Variants in KCNIP2 observed in about 807,000 individuals in gnomAD.
The protein encoded by KCNIP2 is A-type potassium channel modulatory protein KCNIP2.
In KCNIP2, 19 loss-of-function variants were observed where a neutral mutation model predicts 39.0. The ratio of observed to expected loss-of-function variants is 0.49; its 90% CI spans 0.34 to 0.71. KCNIP2 has a LOEUF of 0.71. Ranked by LOEUF, KCNIP2 falls within the 30% of genes least tolerant of loss-of-function variation. KCNIP2 has a pLI of 0.01. For synonymous variants in KCNIP2, 111 were observed against 131.2 expected, an observed-to-expected ratio of 0.85 and a Z score of 1.05; for missense variants, 261 against 346.0, an observed-to-expected ratio of 0.75 and a Z score of 1.95.
intron 1 of KCNIP2, among the ~76,000 whole-genome samples, chr10:101,837,606 C>T (rs1161594252): frequency 1.3e-5 from 2 of 152,080 alleles, no homozygotes; most frequent in African/African-American, 4.8e-5. Flanking sequence ...GCGGAGGTTG[C>T]AGTGAACTGA....
chr10:101,840,062 G>C (rs549917112), intron 1 of KCNIP2, among the ~76,000 whole-genome samples: 6 of 151,844 alleles, frequency 4.0e-5, no homozygotes, highest in African/African-American at 1.2e-4. Context: ...CTGGACGGGG[G>C]GGGGGGGTGG....
At chr10:101,837,530 G>A (rs577153405) in intron 1 of KCNIP2, among the ~76,000 whole-genome samples, 10 of 152,218 alleles carry the variant, frequency 6.6e-5, no homozygotes, top group Admixed American at 1.3e-4. Context: ...TTAGCCAGGC[G>A]TGATGGTGCT....
chr10:101,828,854 C>T lies in KCNIP2; in HGVS notation c.349-158G>A. On this transcript the variant is annotated intron_variant, in intron 4 of 9. Coordinates refer to ENST00000356640, the MANE Select transcript of KCNIP2 (RefSeq NM_173191.3). This position sits in a 1 kb window ranked among gnomAD's most constrained non-coding sequence, Gnocchi z 6.6. ...ATGTGATGGGAGGGAAGACTTCTTT[C>T]CCAGTGCACAAATAAAAAACATGGA... The T allele has an allele frequency of 6.4e-7, 1 of 1,557,628 alleles. No individual in the cohort carries two copies. The highest frequency in any genetic ancestry group is 8.7e-7 in the Non-Finnish European group (1 of 1,150,806).
chr10:101,841,066 T>C (rs1296084841), intron 1 of KCNIP2, among the ~76,000 whole-genome samples: 1 of 152,228 alleles, frequency 6.6e-6, no homozygotes, highest in Non-Finnish European at 1.5e-5. Context: ...CCTGAGGGAT[T>C]AGACAGGGGT....
intron 1 of KCNIP2, among the ~76,000 whole-genome samples, chr10:101,836,344 C>T (rs1191446098): frequency 1.4e-5 from 2 of 144,342 alleles, no homozygotes; most frequent in Admixed American, 1.4e-4. Context: ...GTGGCGCTAG[C>T]GATTCTCGTG....
chr10:101,830,202 A>G (rs2065917793), intron 2 of KCNIP2, among the ~76,000 whole-genome samples: 1 of 152,210 alleles, frequency 6.6e-6, no homozygotes, highest in Admixed American at 6.5e-5. Flanking sequence ...GCAAGGCCCA[A>G]CTGAGGAAAT....
intron 1 of KCNIP2, among the ~76,000 whole-genome samples, chr10:101,837,916 A>G (rs922329230): frequency 2.0e-5 from 3 of 152,194 alleles, no homozygotes; most frequent in Non-Finnish European, 4.4e-5. Context: ...TGCTACTGAT[A>G]ACTTGCAGCC....
chr10:101,831,636 AT>A (rs1224611329), intron 1 of KCNIP2, among the ~76,000 whole-genome samples: 2 of 152,048 alleles, frequency 1.3e-5, no homozygotes, highest in Non-Finnish European at 2.9e-5. Flanking sequence ...TGATGGCGTA[AT>A]ATGCATGCTC....
chr10:101,833,214 A>G (rs950048429), intron 1 of KCNIP2, among the ~76,000 whole-genome samples: 1 of 151,810 alleles, frequency 6.6e-6, no homozygotes, highest in Non-Finnish European at 1.5e-5. Flanking sequence ...GGAGTTACAC[A>G]GTTCTAGCCG....
At chr10:101,829,920 G>T in intron 2 of KCNIP2, 23 bp from the exon 3 acceptor site, 1 of 1,542,458 alleles carries the variant, frequency 6.5e-7, no homozygotes, top group East Asian at 2.5e-5. Context: ...AACTGTCACC[G>T]AGAAAGCGGA....
chr10:101,841,269 AAATCC>A (rs2066330024), intron 1 of KCNIP2, among the ~76,000 whole-genome samples: 2 of 152,156 alleles, frequency 1.3e-5, no homozygotes, highest in East Asian at 3.9e-4. Context: ...AGACTACCCT[AAATCC>A]GATCCCAGGA....
chr10:101,831,613 AG>A (rs2065994389), intron 1 of KCNIP2, among the ~76,000 whole-genome samples: 1 of 152,146 alleles, frequency 6.6e-6, no homozygotes, highest in Admixed American at 6.5e-5. Flanking sequence ...CTTGATATCC[AG>A]TAACTCACAC....
Position 101,843,376 on chromosome 10 carries a change from T to G in KCNIP2, c.73+120A>C. The stretch of plus-strand genomic sequence containing the variant: ...AGTGTCCTGCCGCCCAGACCGGCCA[T>G]AAGAGTGCCTGGGAATGGGGCAGAG... On this transcript the variant is annotated intron_variant, in intron 1 of 9. Transcript: ENST00000356640. The surrounding 1 kb of genome is among the most constrained non-coding windows in gnomAD (Gnocchi z 6.7). The G allele has an allele frequency of 1.2e-5, 7 of 564,700 alleles. No homozygotes were observed. The highest frequency in any genetic ancestry group is 1.9e-5 in the African/African-American group (1 of 51,460). 35.0% of individuals were successfully genotyped at this position (564,700 alleles called of 1,614,324 possible).
chr10:101,835,031 A>T (rs1036847919), intron 1 of KCNIP2, among the ~76,000 whole-genome samples: 33 of 152,100 alleles, frequency 2.2e-4, no homozygotes, highest in African/African-American at 8.0e-4. Flanking sequence ...TATGGTCTGC[A>T]TGTGTAGGAG....
chr10:101,834,200 T>C (rs920274179), intron 1 of KCNIP2: 1 of 398,162 alleles, frequency 2.5e-6, no homozygotes, highest in Non-Finnish European at 4.4e-6. Flanking sequence ...ACAAACACCC[T>C]CCCTAGTGCT....
At position 101,831,041 on chromosome 10, in the gene KCNIP2, CCG is replaced by C. The variant is rs780705796; in HGVS notation, c.169+29_169+30del. 4.4e-6 allele frequency: 7 copies of C among 1,589,850 alleles called. No homozygotes were observed. In the South Asian group the frequency reaches 6.7e-5, roughly 15 times the overall value. On this transcript the variant is annotated intron_variant, in intron 2 of 9. Coordinates refer to ENST00000356640, the MANE Select transcript of KCNIP2 (RefSeq NM_173191.3). ...CAGACACGCACGCACACATCGAGCC[CCG>C]CCCCCGGAAGCACATGAGAGGCACT... is the stretch of plus-strand genomic sequence containing the variant.
At chr10:101,839,809 G>C (rs763447233) in intron 1 of KCNIP2, 1 of 1,610,338 alleles carries the variant, frequency 6.2e-7, no homozygotes, top group African/African-American at 1.3e-5. Flanking sequence ...CTGCCCCAGC[G>C]GGCTCCGGCA....
Position 101,828,088 on chromosome 10 carries a change from A to C in KCNIP2, c.597+63T>G. ...CATATGTGGGTCATATTTCCCTCCCATCACCCTCTGCACGCCACCCCCATC... is the reference window on the plus strand; with the variant it reads ...CATATGTGGGTCATATTTCCCTCCCCTCACCCTCTGCACGCCACCCCCATC... On this transcript the variant is annotated intron_variant, in intron 7 of 9. Coordinates refer to ENST00000356640, the MANE Select transcript of KCNIP2 (RefSeq NM_173191.3). The surrounding 1 kb of genome is among the most constrained non-coding windows in gnomAD (Gnocchi z 6.6). 6.4e-7 allele frequency: 1 copy of C among 1,559,614 alleles called. No homozygotes were observed.
intron 1 of KCNIP2, chr10:101,834,495 C>A: frequency 2.5e-6 from 1 of 397,612 alleles, no homozygotes; most frequent in South Asian, 1.4e-4. Flanking sequence ...CCCACTCTCC[C>A]TCCCAGGATC....
Sources: allele counts gnomAD v4.1 joint callset (sites outside exome capture counted in the v4.1 genomes callset), GRCh38; gene constraint gnomAD v4.1.1; non-coding constraint Gnocchi (gnomAD v3.1); transcripts MANE v1.5; gene names NCBI Gene and HGNC (gene_info 2026-07-23, HGNC 2026-07-21).